ASCC2: variants seen among roughly 807,000 people sequenced by gnomAD.
ASCC2 encodes the protein ASC-1 complex subunit P100.
Under a neutral mutation model 93.5 loss-of-function variants are expected in ASCC2, and 42 were observed. The observed-to-expected ratio is 0.45, with a 90% confidence interval of 0.35 to 0.58. The LOEUF (loss-of-function observed/expected upper bound fraction) is 0.58. Ranked by LOEUF, ASCC2 falls within the 20% of genes least tolerant of loss-of-function variation. ASCC2 has a pLI of 0.00. For missense variants in ASCC2, 859 were observed against 977.6 expected, an observed-to-expected ratio of 0.88 and a Z score of 1.62; for synonymous variants, 364 against 384.2, an observed-to-expected ratio of 0.95 and a Z score of 0.62.
intron 2 of ASCC2, among the ~76,000 whole-genome samples, chr22:29,829,979 G>A (rs1338696866): frequency 1.3e-5 from 2 of 152,162 alleles, no homozygotes; most frequent in Non-Finnish European, 2.9e-5. Context: ...ATATAGGGTG[G>A]ACACATATCT....
Position 29,802,033 on chromosome 22 carries a change from A to G in ASCC2, c.1529T>C (p.Leu510Pro). 1 of 1,610,728 alleles carries G rather than the reference A, an allele frequency of 6.2e-7. No individual in the cohort carries two copies. Among genetic ancestry groups the G allele is most frequent in the Non-Finnish European group, 8.5e-7 (1 of 1,178,390 alleles). Residue 510 changes from leucine to proline, a missense_variant, in exon 14 of 20, where the codon CTG (leucine) becomes CCG (proline). By Grantham distance (98) the Leu-to-Pro change is moderately conservative (BLOSUM62 -3). Coordinates refer to ENST00000307790, the MANE Select transcript of ASCC2 (RefSeq NM_032204.5). Reference sequence around the variant, plus strand: ...GTCCAGCTGGCTGAGGGTGGGGGCCAGCCGCTCCTCCAGGATATTGTTGAT... The same window carrying G: ...GTCCAGCTGGCTGAGGGTGGGGGCCGGCCGCTCCTCCAGGATATTGTTGAT... ...QVINNILEER[L>P]APTLSQLDRN...
At position 29,822,323 on chromosome 22, in the gene ASCC2, C is replaced by A. The variant is rs760127770; in HGVS notation, c.541+12G>T. The A allele has an allele frequency of 6.2e-7, 1 of 1,613,672 alleles. No homozygotes were observed. Among genetic ancestry groups the A allele is most frequent in the South Asian group, 1.1e-5 (1 of 91,060 alleles). ...ATCTTGGTGCATCCTCCCAGTCCTG[C>A]ATCCTACACACCTATCATCTTCTGG... On this transcript the variant is annotated intron_variant, in intron 5 of 19. Coordinates refer to ENST00000307790, the MANE Select transcript of ASCC2 (RefSeq NM_032204.5).
intron 5 of ASCC2, among the ~76,000 whole-genome samples, chr22:29,820,742 C>G (rs1377951990): frequency 6.6e-6 from 1 of 151,690 alleles, no homozygotes; most frequent in African/African-American, 2.4e-5. Context: ...CGAGACCAGC[C>G]TGATCAACGT....
chr22:29,801,507 T>C (rs1247421291), intron 14 of ASCC2, among the ~76,000 whole-genome samples: 1 of 152,236 alleles, frequency 6.6e-6, no homozygotes, highest in African/African-American at 2.4e-5. Flanking sequence ...TAACAAGTGA[T>C]TGGTAAACAT....
intron 8 of ASCC2, among the ~76,000 whole-genome samples, chr22:29,812,402 T>C (rs2060376499): frequency 6.6e-6 from 1 of 152,204 alleles, no homozygotes; most frequent in African/African-American, 2.4e-5. Context: ...CAACAGATAC[T>C]CTTGGTGCTA....
intron 8 of ASCC2, among the ~76,000 whole-genome samples, chr22:29,809,363 A>AT (rs1351551680): frequency 1.9e-4 from 28 of 150,488 alleles, no homozygotes; most frequent in East Asian, 7.8e-4. Context: ...TAACTAATTA[A>AT]TTTTTTTTTT....
chr22:29,806,868 G>A lies in ASCC2; in HGVS notation c.945C>T (p.Ser315=), dbSNP rs1175933803. The change falls in exon 10 of 20, where the codon TCC becomes TCT. Residue 315 remains serine (S), a synonymous_variant. Coordinates refer to ENST00000307790, the MANE Select transcript of ASCC2 (RefSeq NM_032204.5). ...GGAAAATCTCCATTAGCTTCTTCCTGGAATGGGAGAGCCTCTGCCACAGGT... is the reference window on the plus strand; with the variant it reads ...GGAAAATCTCCATTAGCTTCTTCCTAGAATGGGAGAGCCTCTGCCACAGGT... ...LGDLWQRLSH[S]RKKLMEIFHI... The A allele has an allele frequency of 1.1e-5, 18 of 1,614,012 alleles. No individual in the cohort carries two copies. Among genetic ancestry groups the A allele is most frequent in the Non-Finnish European group, 1.5e-5 (18 of 1,179,910 alleles).
intron 8 of ASCC2, among the ~76,000 whole-genome samples, chr22:29,813,058 T>C (rs2060457492): frequency 6.6e-6 from 1 of 152,126 alleles, no homozygotes; most frequent in Non-Finnish European, 1.5e-5. Flanking sequence ...TTTTTGTATT[T>C]TTAGTAGAGA....
intron 15 of ASCC2, among the ~76,000 whole-genome samples, chr22:29,796,699 G>A (rs1228684066): frequency 6.6e-6 from 1 of 152,188 alleles, no homozygotes; most frequent in Non-Finnish European, 1.5e-5. Flanking sequence ...CTGAAAAAGA[G>A]GTAGAGAGGA....
chr22:29,800,854 C>T (rs1359062463), intron 15 of ASCC2, 137 bp downstream of exon 15: 5 of 1,044,700 alleles, frequency 4.8e-6, no homozygotes, highest in African/African-American at 3.3e-5. Context: ...TGGGGGTGCA[C>T]AGGTCTAGGG....
intron 5 of ASCC2, among the ~76,000 whole-genome samples, chr22:29,817,404 C>G (rs1215097963): frequency 6.6e-6 from 1 of 151,904 alleles, no homozygotes; most frequent in African/African-American, 2.4e-5. Flanking sequence ...CCAGGCCACC[C>G]TTTCCCCCTT....
intron 15 of ASCC2, 69 bp from the exon 16 acceptor site, chr22:29,793,745 TC>T: frequency 7.0e-7 from 1 of 1,433,080 alleles, no homozygotes; most frequent in Non-Finnish European, 9.5e-7. Context: ...GTACGGAGGG[TC>T]CAGAGACCAC....
At chr22:29,801,924 G>A (rs1601888126) in intron 14 of ASCC2, 70 bp downstream of exon 14, 1 of 1,304,334 alleles carries the variant, frequency 7.7e-7, no homozygotes, top group East Asian at 2.5e-5. Context: ...ATGAGGGAAG[G>A]AAGAGAGGAA....
intron 9 of ASCC2, among the ~76,000 whole-genome samples, chr22:29,807,263 GAAAAGAAAAAGA>G (rs1005837134): frequency 1.4e-5 from 2 of 146,252 alleles, no homozygotes; most frequent in Admixed American, 1.4e-4. Flanking sequence ...AAAAAAAAGG[GAAAAGAAAAAGA>G]AAAAGAAAAA....
chr22:29,818,407 CACA>C (rs1425288609), intron 5 of ASCC2, among the ~76,000 whole-genome samples: 19 of 3,320 alleles, frequency 5.7e-3, no homozygotes, highest in Non-Finnish European at 0.011. Flanking sequence ...CCTGCCTACA[CACA>C]CACACACACA....
At chr22:29,829,046 C>T (rs1279966857) in intron 2 of ASCC2, among the ~76,000 whole-genome samples, 3 of 151,862 alleles carry the variant, frequency 2.0e-5, no homozygotes, top group South Asian at 2.1e-4. Flanking sequence ...TGTAGTGGCA[C>T]GCACCTATAG....
At chr22:29,790,152 G>A (rs2068798099) in intron 19 of ASCC2, among the ~76,000 whole-genome samples, 1 of 152,174 alleles carries the variant, frequency 6.6e-6, no homozygotes, top group Admixed American at 6.5e-5. Context: ...TGGACACGCT[G>A]GGTGATAAAT....
At chr22:29,828,260 G>C (rs979910678) in intron 2 of ASCC2, among the ~76,000 whole-genome samples, 1 of 152,200 alleles carries the variant, frequency 6.6e-6, no homozygotes. Context: ...ATTGCACTGG[G>C]CGGTGGGAGA....
intron 2 of ASCC2, among the ~76,000 whole-genome samples, chr22:29,831,801 A>C (rs1568960553): frequency 1.3e-5 from 2 of 152,136 alleles, no homozygotes; most frequent in African/African-American, 4.8e-5. Context: ...GGTGCTTCCT[A>C]TCTCAGTTGA....
Sources: gnomAD v4.1 joint callset for allele counts (sites outside exome capture counted in the v4.1 genomes callset) on GRCh38, gnomAD v4.1.1 for gene constraint, MANE v1.5 for transcripts, NCBI Gene and HGNC (gene_info 2026-07-23, HGNC 2026-07-21) for gene names.